Variants in LRBA observed in about 807,000 individuals in gnomAD.
The protein encoded by LRBA is LPS responsive beige-like anchor protein, also known as lipopolysaccharide-responsive and beige-like anchor protein.
LRBA carries 176 observed loss-of-function variants against 330.0 expected under a neutral mutation model. That is an observed-to-expected ratio of 0.53 (90% confidence interval 0.47 to 0.60). LRBA has a LOEUF of 0.60. Ranked by LOEUF, LRBA falls within the 20% of genes least tolerant of loss-of-function variation. LRBA has a pLI of 0.00. For missense variants in LRBA, 3,259 were observed against 3,444.8 expected, an observed-to-expected ratio of 0.95 and a Z score of 1.35; for synonymous variants, 1,230 against 1,193.0, an observed-to-expected ratio of 1.03 and a Z score of -0.64.
chr4:150,432,430 TA>T (rs1750521474), intron 46 of LRBA, among the ~76,000 whole-genome samples: 1 of 149,774 alleles, frequency 6.7e-6, no homozygotes, highest in Non-Finnish European at 1.5e-5. Context: ...TATTTACATA[TA>T]TTACAGTAAT....
intron 37 of LRBA, among the ~76,000 whole-genome samples, chr4:150,624,009 C>T (rs1776577758): frequency 6.6e-6 from 1 of 152,118 alleles, no homozygotes; most frequent in Non-Finnish European, 1.5e-5. Flanking sequence ...CCACAACATA[C>T]ACATACCAAA....
intron 40 of LRBA, among the ~76,000 whole-genome samples, chr4:150,555,074 A>G (rs541326868): frequency 6.6e-6 from 1 of 152,312 alleles, no homozygotes; most frequent in African/African-American, 2.4e-5. Flanking sequence ...TAATATTTAT[A>G]GAAAATAAGA....
chr4:150,939,932 A>G (rs1735486876), intron 2 of LRBA, among the ~76,000 whole-genome samples: 4 of 152,212 alleles, frequency 2.6e-5, no homozygotes, highest in Admixed American at 2.6e-4. Context: ...AACTCAATAT[A>G]TCAAGGTAAC....
chr4:150,797,920 T>A (rs1279364130), intron 34 of LRBA, among the ~76,000 whole-genome samples, 161 bp downstream of exon 34: 3 of 152,142 alleles, frequency 2.0e-5, no homozygotes, highest in African/African-American at 7.2e-5. Context: ...GTATCAAAAA[T>A]AAGAAGTAAT....
chr4:150,887,120 A>ATTGT (rs1729021671), intron 17 of LRBA, among the ~76,000 whole-genome samples: 1 of 152,208 alleles, frequency 6.6e-6, no homozygotes, highest in Non-Finnish European at 1.5e-5. Context: ...TGTCAATTTA[A>ATTGT]AATATTAAAG....
intron 52 of LRBA, among the ~76,000 whole-genome samples, 159 bp from the exon 53 acceptor site, chr4:150,302,951 T>C (rs554346245): frequency 6.6e-6 from 1 of 152,342 alleles, no homozygotes; most frequent in South Asian, 2.1e-4. Flanking sequence ...TTTCTTTGCA[T>C]GCTAACAAGA....
intron 2 of LRBA, among the ~76,000 whole-genome samples, chr4:150,949,036 T>C (rs911927867): frequency 6.9e-6 from 1 of 144,950 alleles, no homozygotes; most frequent in African/African-American, 2.5e-5. Flanking sequence ...AATTTCTATT[T>C]AAAAAAAAAA....
chr4:150,573,108 A>C (rs1361552551), intron 40 of LRBA, among the ~76,000 whole-genome samples: 1 of 152,154 alleles, frequency 6.6e-6, no homozygotes, highest in African/African-American at 2.4e-5. Context: ...TTTTAAGTTT[A>C]GGTGAATATG....
At chr4:151,012,722 T>C (rs1744993720) in intron 2 of LRBA, 1 of 152,134 alleles carries the variant, frequency 6.6e-6, no homozygotes, top group Admixed American at 6.6e-5. Context: ...TGTGTGTCTA[T>C]AGGTGTTTAT....
chr4:150,578,743 T>C (rs1447626571), intron 40 of LRBA, among the ~76,000 whole-genome samples: 3 of 152,238 alleles, frequency 2.0e-5, no homozygotes, highest in Non-Finnish European at 4.4e-5. Context: ...ATGTTCCTAA[T>C]GTAATGATGC....
chr4:150,973,814 G>A (rs1053053741), intron 2 of LRBA, among the ~76,000 whole-genome samples: 9 of 152,224 alleles, frequency 5.9e-5, no homozygotes, highest in African/African-American at 1.9e-4. Context: ...GCAAAATAGC[G>A]AGACCCTGTC....
At chr4:150,775,760 A>T (rs543588118) in intron 34 of LRBA, among the ~76,000 whole-genome samples, 1 of 149,118 alleles carries the variant, frequency 6.7e-6, no homozygotes, top group South Asian at 2.2e-4. Context: ...ACAGAAATAT[A>T]AGTAAAGGAA....
intron 19 of LRBA, 65 bp downstream of exon 19, chr4:150,871,280 C>T: frequency 1.2e-6 from 1 of 828,474 alleles, no homozygotes; most frequent in South Asian, 1.6e-5. Flanking sequence ...TATTTACCTA[C>T]ACAATGTTAA....
chr4:150,339,630 G>C (rs1435979696), intron 48 of LRBA, among the ~76,000 whole-genome samples: 2 of 152,024 alleles, frequency 1.3e-5, no homozygotes, highest in African/African-American at 4.8e-5. Context: ...GAACATTTTG[G>C]GGTCCATAAT....
At chr4:150,744,259 T>C (rs1319213614) in intron 35 of LRBA, among the ~76,000 whole-genome samples, 3 of 152,200 alleles carry the variant, frequency 2.0e-5, no homozygotes, top group Non-Finnish European at 4.4e-5. Context: ...AACCACATTG[T>C]GAATTTAACA....
chr4:150,921,794 C>T (rs1411775576), intron 4 of LRBA, among the ~76,000 whole-genome samples: 4 of 152,074 alleles, frequency 2.6e-5, no homozygotes, highest in African/African-American at 9.7e-5. Context: ...GGCATGATCT[C>T]GGCTCACCGC....
chr4:150,339,308 T>C (rs1485000134), intron 48 of LRBA, among the ~76,000 whole-genome samples: 1 of 152,152 alleles, frequency 6.6e-6, no homozygotes, highest in Admixed American at 6.6e-5. Context: ...CTGTCAAAGT[T>C]ACACGAAGAT....
chr4:150,939,581 T>C (rs1417062375), intron 2 of LRBA, among the ~76,000 whole-genome samples: 1 of 152,210 alleles, frequency 6.6e-6, no homozygotes, highest in Admixed American at 6.5e-5. Context: ...TCTAGTACTT[T>C]ATTACACAGC....
At chr4:150,376,863 T>G (rs1211723719) in intron 47 of LRBA, among the ~76,000 whole-genome samples, 1 of 152,082 alleles carries the variant, frequency 6.6e-6, no homozygotes, top group Non-Finnish European at 1.5e-5. Flanking sequence ...ATGGAAAAAG[T>G]AGATGAGACC....
Sources: gnomAD v4.1 joint callset for allele counts (sites outside exome capture counted in the v4.1 genomes callset) on GRCh38, gnomAD v4.1.1 for gene constraint, MANE v1.5 for transcripts, NCBI Gene and HGNC (gene_info 2026-07-23, HGNC 2026-07-21) for gene names.